LGALS14: variants seen among roughly 807,000 people sequenced by gnomAD.
The protein encoded by LGALS14 is placental protein 13-like.
A neutral mutation model predicts 14.6 loss-of-function variants in LGALS14; 14 were observed. The observed-to-expected ratio is 0.96, with a 90% CI of 0.64 to 1.50. The LOEUF (loss-of-function observed/expected upper bound fraction) is 1.50. Among genes scored for constraint, LGALS14 ranks in the 40% most tolerant of loss-of-function variants. LGALS14 has a pLI of 0.00. For missense variants in LGALS14, 180 were observed against 172.0 expected (o/e 1.05, Z -0.26); for synonymous variants, 57 against 63.9 (o/e 0.89, Z 0.51).
chr19:39,706,142 T>C, intron 1 of LGALS14: 1 of 1,315,146 alleles, frequency 7.6e-7, no homozygotes, highest in Non-Finnish European at 1.0e-6. Flanking sequence ...ATTTTCTGAG[T>C]TGAAAATAAG....
chr19:39,705,798 T>C (rs1973705431), intron 1 of LGALS14: 1 of 1,335,038 alleles, frequency 7.5e-7, no homozygotes, highest in Non-Finnish European at 1.0e-6. Context: ...TGAGCTGTGA[T>C]TGCACCACTG....
intron 2 of LGALS14, 108 bp from the exon 3 acceptor site, chr19:39,707,070 G>A: frequency 1.2e-6 from 1 of 834,992 alleles, no homozygotes; most frequent in Non-Finnish European, 2.0e-6. Flanking sequence ...AGTATCATCG[G>A]GGAGACTTTT....
chr19:39,705,516 G>C (rs1457800166), intron 1 of LGALS14, among the ~76,000 whole-genome samples: 3 of 152,182 alleles, frequency 2.0e-5, no homozygotes, highest in African/African-American at 4.8e-5. Context: ...AGAACAAGCT[G>C]TCTGAATTCA....
chr19:39,706,797 T>G lies in LGALS14; in HGVS notation c.92+124T>G, dbSNP rs553894384. 53 of 836,902 alleles carry G rather than the reference T, an allele frequency of 6.3e-5. No individual in the cohort carries two copies. The South Asian group carries it at 8.0e-4, about 13-fold the overall frequency. 51.8% of individuals were successfully genotyped at this position (836,902 alleles called of 1,614,324 possible). A position where few individuals can be genotyped will look rare whatever the true frequency, so the allele number is the denominator to read the frequency against. ...TGGCATAATGAAGGCCTCATGCAAG[T>G]GCAGGCCCTGGAGACCTTCCAGCAA... On this transcript the variant is annotated intron_variant, in intron 2 of 3. Transcript: ENST00000392052.
At chr19:39,707,458 C>G (rs1295833779) in intron 3 of LGALS14, 70 bp downstream of exon 3, 1 of 1,221,208 alleles carries the variant, frequency 8.2e-7, no homozygotes, top group African/African-American at 1.5e-5. Flanking sequence ...CTTTCATTGA[C>G]CTGGTGCCAC....
chr19:39,704,853 T>A lies in LGALS14; in HGVS notation c.15+310T>A, dbSNP rs568776135. On this transcript the variant is annotated intron_variant, in intron 1 of 3. Coordinates refer to ENST00000392052, the MANE Select transcript of LGALS14 (RefSeq NM_020129.3). ...CAGGACCGGCAAGTGTGTGAGTGAG[T>A]GTAAGGGGGTGAGTGTGCTTTGTCT... Among the ~76,000 whole-genome samples the A allele has an allele frequency of 8.6e-5, 13 of 151,656 alleles. No individual in the cohort carries two copies. The South Asian group carries it at 1.5e-3, about 17-fold the overall frequency.
At chr19:39,705,269 G>A (rs564372927) in intron 1 of LGALS14, among the ~76,000 whole-genome samples, 4 of 152,226 alleles carry the variant, frequency 2.6e-5, no homozygotes, top group South Asian at 2.1e-4. Context: ...GCAGATTATG[G>A]GAGAGATGGT....
chr19:39,706,050 G>T (rs771880173), intron 1 of LGALS14: 1 of 1,608,400 alleles, frequency 6.2e-7, no homozygotes, highest in African/African-American at 1.3e-5. Context: ...CTGTTCTTTC[G>T]TCATTTCCCT....
At chr19:39,704,711 G>T (rs1301473889) in intron 1 of LGALS14, among the ~76,000 whole-genome samples, 168 bp downstream of exon 1, 1 of 152,148 alleles carries the variant, frequency 6.6e-6, no homozygotes, top group African/African-American at 2.4e-5. Flanking sequence ...TGAGATGATT[G>T]TGGGTGTAGG....
rs1973719376 is a variant in LGALS14, at chr19:39,706,678, G to A, written c.92+5G>A. 6.2e-7 allele frequency: 1 copy of A among 1,606,194 alleles called. No individual in the cohort carries two copies. The highest frequency in any genetic ancestry group is 1.3e-5 in the African/African-American group (1 of 74,862). ...GACACCGATCCTCACTTTTGTGTGA[G>A]TACTCCATGGTCCAATGGAGGGGGT... On this transcript the variant is annotated splice_donor_5th_base_variant and intron_variant, in intron 2 of 3. Coordinates refer to ENST00000392052, the MANE Select transcript of LGALS14 (RefSeq NM_020129.3).
intron 1 of LGALS14, chr19:39,705,947 G>A (rs780745146): frequency 1.1e-5 from 18 of 1,613,740 alleles, no homozygotes; most frequent in Non-Finnish European, 1.5e-5. Context: ...CAAGTACTGG[G>A]GCTGTGCTGT....
chr19:39,705,737 G>A (rs1973704141), intron 1 of LGALS14: 2 of 644,878 alleles, frequency 3.1e-6, no homozygotes, highest in Non-Finnish European at 5.1e-6. Flanking sequence ...AGCTACACAA[G>A]AGGGGGCAGA....
At chr19:39,707,972 G>A (rs1411924015) in intron 3 of LGALS14, among the ~76,000 whole-genome samples, 2 of 152,110 alleles carry the variant, frequency 1.3e-5, no homozygotes, top group Non-Finnish European at 1.5e-5. Flanking sequence ...ATCACACCTT[G>A]TTAACTTTTG....
intron 1 of LGALS14, chr19:39,705,764 C>A: frequency 2.2e-6 from 2 of 891,296 alleles, no homozygotes; most frequent in Non-Finnish European, 3.4e-6. Flanking sequence ...AGGATCACTG[C>A]AGTCCAGGAG....
chr19:39,705,071 C>G (rs1480468214), intron 1 of LGALS14, among the ~76,000 whole-genome samples: 1 of 152,084 alleles, frequency 6.6e-6, no homozygotes, highest in Admixed American at 6.5e-5. Context: ...AAGGTTCCTC[C>G]CCACACAGCA....
At chr19:39,707,454 T>C (rs1227990703) in intron 3 of LGALS14, 66 bp downstream of exon 3, 20 of 1,332,026 alleles carry the variant, frequency 1.5e-5, no homozygotes, top group African/African-American at 5.7e-5. Flanking sequence ...GCAGCTTTCA[T>C]TGACCTGGTG....
At position 39,709,434 on chromosome 19, in the gene LGALS14, C is replaced by T. The variant is rs757202681; in HGVS notation, c.*121C>T. 4.7e-6 allele frequency: 3 copies of T among 642,334 alleles called. No homozygotes were observed. The highest frequency in any genetic ancestry group is 5.2e-5 in the East Asian group (2 of 38,250). 39.8% of individuals were successfully genotyped at this position (642,334 alleles called of 1,614,324 possible). Reference sequence around the variant, plus strand: ...CTTCCCCTACACTTGATCATTAAAACAGCACCAAACTTCACATGATTGGTT... The same window carrying T: ...CTTCCCCTACACTTGATCATTAAAATAGCACCAAACTTCACATGATTGGTT... On this transcript the variant is annotated 3_prime_UTR_variant, in exon 4 of 4. Transcript: ENST00000392052.
At chr19:39,708,702 T>A (rs1973754178) in intron 3 of LGALS14, among the ~76,000 whole-genome samples, 1 of 152,198 alleles carries the variant, frequency 6.6e-6, no homozygotes, top group South Asian at 2.1e-4. Flanking sequence ...CTGTCCTCCT[T>A]TAACTCTCTA....
intron 3 of LGALS14, among the ~76,000 whole-genome samples, chr19:39,708,432 CCCAA>C (rs1973750342): frequency 6.6e-6 from 1 of 151,916 alleles, no homozygotes; most frequent in African/African-American, 2.4e-5. Context: ...TTACTAATTT[CCCAA>C]TACTTATACT....
Sources: gnomAD v4.1 joint callset for allele counts (sites outside exome capture counted in the v4.1 genomes callset) on GRCh38, gnomAD v4.1.1 for gene constraint, MANE v1.5 for transcripts, NCBI Gene and HGNC (gene_info 2026-07-23, HGNC 2026-07-21) for gene names.